The following GRM5 variants were observed in gnomAD, a reference collection of about 807,000 sequenced individuals.
GRM5 encodes the protein glutamate metabotropic receptor 5, also known as metabotropic glutamate receptor 5.
A neutral mutation model predicts 83.1 loss-of-function variants in GRM5; 19 were observed. The ratio of observed to expected loss-of-function variants is 0.23; its 90% confidence interval spans 0.16 to 0.34. The LOEUF is 0.34. Ranked by LOEUF, GRM5 falls within the 10% of genes least tolerant of loss-of-function variation. The pLI is 1.00. For missense variants in GRM5, 1,160 were observed against 1,588.3 expected, an observed-to-expected ratio of 0.73 and a Z score of 4.58; for synonymous variants, 675 against 633.6, an observed-to-expected ratio of 1.07 and a Z score of -0.98.
At chr11:88,846,615 G>C (rs1794472081) in intron 3 of GRM5, among the ~76,000 whole-genome samples, 1 of 152,090 alleles carries the variant, frequency 6.6e-6, no homozygotes, top group Non-Finnish European at 1.5e-5. Flanking sequence ...AAGGCAGTTG[G>C]AGATATTTAT....
At chr11:89,031,715 A>C (rs1452703754) in intron 2 of GRM5, among the ~76,000 whole-genome samples, 1 of 152,176 alleles carries the variant, frequency 6.6e-6, no homozygotes, top group East Asian at 1.9e-4. Context: ...TTAGTGATTA[A>C]AAAATTTTTC....
chr11:88,811,847 G>A (rs762879076), intron 3 of GRM5, among the ~76,000 whole-genome samples: 1 of 152,092 alleles, frequency 6.6e-6, no homozygotes, highest in East Asian at 1.9e-4. Flanking sequence ...GGTACCATGC[G>A]CCAACTTACC....
intron 2 of GRM5, among the ~76,000 whole-genome samples, chr11:88,928,346 C>T (rs1254711278): frequency 6.6e-6 from 1 of 151,954 alleles, no homozygotes; most frequent in African/African-American, 2.4e-5. Context: ...ACTGTGGTTC[C>T]ACACTTGTGG....
chr11:88,593,798 CTCTT>C (rs1274638095), intron 6 of GRM5, among the ~76,000 whole-genome samples: 5 of 89,388 alleles, frequency 5.6e-5, no homozygotes, highest in East Asian at 4.3e-4. Flanking sequence ...CTCTCTTTTT[CTCTT>C]TCTTTCTTTT....
intron 8 of GRM5, among the ~76,000 whole-genome samples, chr11:88,534,154 A>G (rs1391118554): frequency 6.6e-6 from 1 of 152,172 alleles, no homozygotes; most frequent in Non-Finnish European, 1.5e-5. Flanking sequence ...TGCAGAAGGG[A>G]AATGTGGGGT....
chr11:88,798,760 A>T (rs1943329124), intron 3 of GRM5, among the ~76,000 whole-genome samples: 1 of 148,952 alleles, frequency 6.7e-6, no homozygotes, highest in Admixed American at 6.9e-5. Context: ...ACACTGAGTC[A>T]AAGTCATGAG....
chr11:88,549,568 G>A (rs544097083), intron 8 of GRM5, among the ~76,000 whole-genome samples: 7 of 152,036 alleles, frequency 4.6e-5, no homozygotes, highest in South Asian at 4.2e-4. Flanking sequence ...GTTTGGCACC[G>A]TGTTATAGTA....
chr11:88,648,849 G>C (rs969466990), intron 4 of GRM5, among the ~76,000 whole-genome samples: 2 of 151,460 alleles, frequency 1.3e-5, no homozygotes, highest in African/African-American at 4.8e-5. Context: ...TGTGTGACAT[G>C]GTAAAATGGC....
At chr11:88,520,639 C>A (rs1415194938) in intron 9 of GRM5, among the ~76,000 whole-genome samples, 1 of 152,100 alleles carries the variant, frequency 6.6e-6, no homozygotes, top group Non-Finnish European at 1.5e-5. Flanking sequence ...TCTTGGTCAT[C>A]CATTTATCTC....
At chr11:88,885,683 C>T (rs506841) in intron 2 of GRM5, among the ~76,000 whole-genome samples, 1 of 151,882 alleles carries the variant, frequency 6.6e-6, no homozygotes. Context: ...AAAAAAAAAT[C>T]TCCAGTCTCT....
chr11:88,766,177 G>A (rs1457486871), intron 3 of GRM5, among the ~76,000 whole-genome samples: 1 of 151,872 alleles, frequency 6.6e-6, no homozygotes, highest in Non-Finnish European at 1.5e-5. Flanking sequence ...AACTACCAAT[G>A]ATATTCTTGA....
At chr11:89,023,140 AGTGTGTGTGT>A (rs61343398) in intron 2 of GRM5, among the ~76,000 whole-genome samples, 1 of 146,740 alleles carries the variant, frequency 6.8e-6, no homozygotes, top group Non-Finnish European at 1.5e-5. Flanking sequence ...ATATGCAAAG[AGTGTGTGTGT>A]GTGTGTGTGT....
intron 3 of GRM5, among the ~76,000 whole-genome samples, chr11:88,734,202 A>G (rs1202271306): frequency 1.3e-5 from 2 of 152,188 alleles, no homozygotes; most frequent in East Asian, 3.9e-4. Flanking sequence ...ACATTTCTCC[A>G]AAGAAAGCAC....
chr11:88,847,574 G>A (rs1227168380), intron 3 of GRM5, among the ~76,000 whole-genome samples: 1 of 152,092 alleles, frequency 6.6e-6, no homozygotes, highest in Non-Finnish European at 1.5e-5. Flanking sequence ...ATTTGAAAGA[G>A]CATCACGTTA....
intron 3 of GRM5, among the ~76,000 whole-genome samples, chr11:88,664,828 T>C (rs1939999326): frequency 6.6e-6 from 1 of 152,178 alleles, no homozygotes; most frequent in African/African-American, 2.4e-5. Context: ...ATATACTATA[T>C]GATAATGATT....
chr11:88,851,482 C>A (rs1371893659), intron 2 of GRM5, among the ~76,000 whole-genome samples: 1 of 152,186 alleles, frequency 6.6e-6, no homozygotes, highest in African/African-American at 2.4e-5. Context: ...TACAACTCCA[C>A]AACAATTTGA....
intron 4 of GRM5, among the ~76,000 whole-genome samples, chr11:88,623,177 C>G (rs1028484993): frequency 1.3e-5 from 2 of 152,122 alleles, no homozygotes; most frequent in African/African-American, 4.8e-5. Context: ...CCTCTGCCTC[C>G]CAGGTTCAAG....
intron 2 of GRM5, among the ~76,000 whole-genome samples, chr11:88,865,188 T>G (rs1234248758): frequency 7.2e-5 from 11 of 152,154 alleles, no homozygotes; most frequent in Non-Finnish European, 2.9e-5. Context: ...CAAAACAGCA[T>G]GGTACTCATA....
intron 9 of GRM5, among the ~76,000 whole-genome samples, chr11:88,521,339 C>T (rs1051411215): frequency 6.6e-6 from 1 of 152,130 alleles, no homozygotes; most frequent in African/African-American, 2.4e-5. Context: ...ATCGCTTGAA[C>T]CTGGGAGGCA....
Sources: gnomAD v4.1 joint callset for allele counts (sites outside exome capture counted in the v4.1 genomes callset) on GRCh38, gnomAD v4.1.1 for gene constraint, MANE v1.5 for transcripts, NCBI Gene and HGNC (gene_info 2026-07-23, HGNC 2026-07-21) for gene names.